Variants in INPP4B observed in about 807,000 individuals in gnomAD.
The protein encoded by INPP4B is inositol polyphosphate 4-phosphatase type II.
Under a neutral mutation model 122.5 loss-of-function variants are expected in INPP4B, and 55 were observed. That is an observed-to-expected ratio of 0.45 (90% confidence interval 0.36 to 0.56). The LOEUF (loss-of-function observed/expected upper bound fraction) is 0.56, where lower values mean the gene tolerates loss of function less well. INPP4B is among the 20% of genes least tolerant of loss of function. The pLI, the probability that INPP4B is intolerant of heterozygous loss-of-function variation, is 0.00. For synonymous variants in INPP4B, 403 were observed against 388.7 expected (o/e 1.04, Z -0.43); for missense variants, 1,000 against 1,097.7 (o/e 0.91, Z 1.26).
chr4:142,251,649 C>A (rs1430677313), intron 11 of INPP4B, among the ~76,000 whole-genome samples: 3 of 152,108 alleles, frequency 2.0e-5, no homozygotes, highest in African/African-American at 4.8e-5. Context: ...AACACCTGTT[C>A]TTCCTTGGGT....
Position 142,118,198 on chromosome 4 carries a change from C to T in INPP4B, c.2135+3930G>A, listed in dbSNP as rs1403389422. Among the ~76,000 whole-genome samples the T allele has an allele frequency of 6.6e-5, 10 of 152,098 alleles. No homozygotes were observed. In the South Asian group the frequency reaches 8.3e-4, roughly 13 times the overall value. On this transcript the variant is annotated intron_variant, in intron 21 of 25. Coordinates refer to ENST00000262992, the MANE Select transcript of INPP4B (RefSeq NM_001101669.3). ...GCTCATGCATAGGAAGAACCAATATCGTGAAAATGGCCATACTGCCCAAGG... is the reference window on the plus strand; with the variant it reads ...GCTCATGCATAGGAAGAACCAATATTGTGAAAATGGCCATACTGCCCAAGG...
intron 12 of INPP4B, among the ~76,000 whole-genome samples, chr4:142,213,732 C>T (rs558524628): frequency 6.6e-6 from 1 of 152,308 alleles, no homozygotes; most frequent in African/African-American, 2.4e-5. Context: ...ATATGCACCT[C>T]AGGTTACCTC....
At chr4:142,114,528 T>C (rs1387461042) in intron 21 of INPP4B, among the ~76,000 whole-genome samples, 1 of 152,116 alleles carries the variant, frequency 6.6e-6, no homozygotes, top group African/African-American at 2.4e-5. Context: ...ATGTTGAATA[T>C]GTTTTCTTGT....
intron 5 of INPP4B, among the ~76,000 whole-genome samples, chr4:142,423,212 A>C (rs1807312733): frequency 6.6e-6 from 1 of 152,098 alleles, no homozygotes; most frequent in Non-Finnish European, 1.5e-5. Context: ...TCCTTTTAGA[A>C]AAACATATAA....
chr4:142,834,746 T>A (rs1782575983), intron 1 of INPP4B, among the ~76,000 whole-genome samples: 1 of 152,188 alleles, frequency 6.6e-6, no homozygotes, highest in Non-Finnish European at 1.5e-5. Context: ...GATCTCTTTT[T>A]CTCTCACATG....
At chr4:142,241,649 A>G (rs1433767757) in intron 11 of INPP4B, among the ~76,000 whole-genome samples, 1 of 152,194 alleles carries the variant, frequency 6.6e-6, no homozygotes, top group Non-Finnish European at 1.5e-5. Context: ...GCCAACACAG[A>G]TAGAAAAGAC....
chr4:142,308,707 T>C (rs1764350589), intron 8 of INPP4B, among the ~76,000 whole-genome samples: 1 of 151,668 alleles, frequency 6.6e-6, no homozygotes, highest in African/African-American at 2.4e-5. Context: ...ATTATAATTA[T>C]ATAATTTAAG....
At chr4:142,752,544 T>C (rs530366065) in intron 1 of INPP4B, among the ~76,000 whole-genome samples, 1 of 152,228 alleles carries the variant, frequency 6.6e-6, no homozygotes, top group South Asian at 2.1e-4. Flanking sequence ...AGCTTTGTCC[T>C]TTCTCAGCTT....
intron 2 of INPP4B, among the ~76,000 whole-genome samples, chr4:142,588,014 A>T (rs567719577): frequency 3.9e-5 from 6 of 152,082 alleles, no homozygotes; most frequent in South Asian, 4.1e-4. Context: ...CTGGGTCAAC[A>T]TATGAAAATA....
At position 142,044,387 on chromosome 4, in the gene INPP4B, C is replaced by T. The variant is rs569251644; in HGVS notation, c.2643-15473G>A. On this transcript the variant is annotated intron_variant, in intron 25 of 25. Coordinates refer to ENST00000262992, the MANE Select transcript of INPP4B (RefSeq NM_001101669.3). ...GTGACATAGAAAACAGTCACAGATT[C>T]AAAGACTTACTGTGTAAGTAAGTAT... Among the ~76,000 whole-genome samples, 24 of 152,052 alleles carry T rather than the reference C, an allele frequency of 1.6e-4. No homozygotes were observed. The South Asian group carries it at 4.8e-3, about 30-fold the overall frequency.
intron 1 of INPP4B, among the ~76,000 whole-genome samples, chr4:142,822,732 A>G (rs772496167): frequency 2.6e-5 from 4 of 152,164 alleles, no homozygotes; most frequent in Non-Finnish European, 2.9e-5. Flanking sequence ...CTTCTGTTAC[A>G]TGAAAAAAGT....
intron 2 of INPP4B, among the ~76,000 whole-genome samples, chr4:142,617,502 G>C (rs1743970178): frequency 1.3e-5 from 2 of 152,212 alleles, no homozygotes; most frequent in African/African-American, 4.8e-5. Flanking sequence ...AGAGGCAAAA[G>C]CTCACGGCTG....
chr4:142,743,265 C>T (rs1055137227), intron 1 of INPP4B, among the ~76,000 whole-genome samples: 1 of 151,916 alleles, frequency 6.6e-6, no homozygotes, highest in African/African-American at 2.4e-5. Context: ...CCAACCTCAG[C>T]AAAGCAAGTT....
At chr4:142,254,880 G>A (rs1328346801) in intron 11 of INPP4B, among the ~76,000 whole-genome samples, 17 of 151,886 alleles carry the variant, frequency 1.1e-4, no homozygotes, top group African/African-American at 2.9e-4. Flanking sequence ...CTCGAGAAGA[G>A]CAACTCCAAG....
intron 2 of INPP4B, among the ~76,000 whole-genome samples, chr4:142,586,321 C>A (rs1387138492): frequency 2.1e-5 from 3 of 142,824 alleles, no homozygotes; most frequent in Non-Finnish European, 4.7e-5. Context: ...CTCAAAAAAA[C>A]AAAACAACAA....
intron 2 of INPP4B, among the ~76,000 whole-genome samples, chr4:142,522,528 G>C (rs1043260553): frequency 6.6e-6 from 1 of 151,722 alleles, no homozygotes; most frequent in Non-Finnish European, 1.5e-5. Flanking sequence ...GATATTTCTT[G>C]GTTAATCTAT....
At chr4:142,588,111 C>T (rs1736633450) in intron 2 of INPP4B, among the ~76,000 whole-genome samples, 1 of 151,790 alleles carries the variant, frequency 6.6e-6, no homozygotes, top group African/African-American at 2.4e-5. Context: ...TAAAATTCAA[C>T]ATGTATTCAA....
At chr4:142,295,156 G>T (rs1271401045) in intron 9 of INPP4B, among the ~76,000 whole-genome samples, 1 of 152,144 alleles carries the variant, frequency 6.6e-6, no homozygotes, top group Non-Finnish European at 1.5e-5. Flanking sequence ...TCAGTTTGGG[G>T]TAGGTAAAAT....
intron 2 of INPP4B, among the ~76,000 whole-genome samples, chr4:142,466,341 C>CT (rs1470757839): frequency 6.6e-6 from 1 of 152,152 alleles, no homozygotes; most frequent in Non-Finnish European, 1.5e-5. Flanking sequence ...TAGCAAAGAA[C>CT]TTAGCTGCAT....
Sources: gnomAD v4.1 joint callset for allele counts (sites outside exome capture counted in the v4.1 genomes callset) on GRCh38, gnomAD v4.1.1 for gene constraint, MANE v1.5 for transcripts, NCBI Gene and HGNC (gene_info 2026-07-23, HGNC 2026-07-21) for gene names.